The following STPG2 variants were observed in gnomAD, a reference collection of about 807,000 sequenced individuals.
STPG2 encodes the protein sperm-tail PG-rich repeat-containing protein 2.
Under a neutral mutation model 54.2 loss-of-function variants are expected in STPG2, and 56 were observed. That is an observed-to-expected ratio of 1.03 (90% CI 0.83 to 1.29). STPG2 has a LOEUF of 1.29. Among genes scored for constraint, STPG2 ranks in the 50% most tolerant of loss-of-function variants. STPG2 has a pLI of 0.00. For missense variants in STPG2, 596 were observed against 544.9 expected (o/e 1.09, Z -0.93); for synonymous variants, 200 against 181.8 (o/e 1.10, Z -0.81).
At chr4:98,108,602 T>G (rs1578173525) in intron 4 of STPG2, among the ~76,000 whole-genome samples, 1 of 152,246 alleles carries the variant, frequency 6.6e-6, no homozygotes, top group East Asian at 1.9e-4. Flanking sequence ...TTACATTTTC[T>G]CTGATCTTTT....
At chr4:98,039,241 C>A (rs10022331) in intron 5 of STPG2, among the ~76,000 whole-genome samples, 59,487 of 151,132 alleles carry the variant, frequency 0.39, 11,922 homozygotes, top group Middle Eastern at 0.46. Flanking sequence ...TATAAATGAA[C>A]TGTACTAGTC....
intron 10 of STPG2, among the ~76,000 whole-genome samples, chr4:97,657,485 G>A (rs944476386): frequency 6.6e-6 from 1 of 152,102 alleles, no homozygotes; most frequent in Middle Eastern, 3.2e-3. Context: ...CTAGCTTGAT[G>A]TATAACTTTA....
chr4:97,630,372 A>G (rs894272732), intron 10 of STPG2, among the ~76,000 whole-genome samples: 1 of 151,918 alleles, frequency 6.6e-6, no homozygotes, highest in East Asian at 1.9e-4. Flanking sequence ...CTTCCATTAT[A>G]TTAAAAAGCA....
chr4:98,080,260 A>T (rs1401562830), intron 5 of STPG2, among the ~76,000 whole-genome samples: 1 of 152,020 alleles, frequency 6.6e-6, no homozygotes, highest in African/African-American at 2.4e-5. Flanking sequence ...ATTTTACTTT[A>T]TTTACCTTTT....
At chr4:97,562,203 A>C (rs920812821) in intron 10 of STPG2, among the ~76,000 whole-genome samples, 2 of 152,132 alleles carry the variant, frequency 1.3e-5, no homozygotes, top group African/African-American at 4.8e-5. Flanking sequence ...CTTTGAAGCA[A>C]TTGTGAATGG....
At chr4:97,552,305 A>AT (rs1011913027) in intron 4 of STPG2, among the ~76,000 whole-genome samples, 8 of 152,094 alleles carry the variant, frequency 5.3e-5, no homozygotes, top group Non-Finnish European at 8.8e-5. Flanking sequence ...TAAATATATG[A>AT]AAAACATAAT....
At chr4:97,906,447 G>C (rs564934378) in intron 8 of STPG2, among the ~76,000 whole-genome samples, 245 of 152,250 alleles carry the variant, frequency 1.6e-3, no homozygotes, top group African/African-American at 5.7e-3. Flanking sequence ...ACAAGGAGGA[G>C]CTGGTACCAT....
At chr4:97,718,341 T>C (rs1446378811) in intron 9 of STPG2, among the ~76,000 whole-genome samples, 1 of 152,100 alleles carries the variant, frequency 6.6e-6, no homozygotes, top group Non-Finnish European at 1.5e-5. Context: ...TTCCATTTTC[T>C]CAACTTGTTA....
chr4:97,472,964 A>G (rs1389010075), intron 4 of STPG2, among the ~76,000 whole-genome samples: 3 of 152,214 alleles, frequency 2.0e-5, no homozygotes, highest in Non-Finnish European at 2.9e-5. Context: ...CTTTACTGCA[A>G]TCTCTAAACA....
chr4:97,602,928 A>G (rs1341904590), intron 10 of STPG2, among the ~76,000 whole-genome samples: 1 of 151,742 alleles, frequency 6.6e-6, no homozygotes. Context: ...GACATAACCA[A>G]TGTAGTTCTG....
In STPG2 at chr4:97,574,162, T is replaced by G. The variant is rs1166912519; in HGVS notation, c.1321-15045A>C. On this transcript the variant is annotated intron_variant, in intron 10 of 10. Coordinates refer to ENST00000295268, the MANE Select transcript of STPG2 (RefSeq NM_174952.3). ...TGACTGCAGTTGAGGAACATAATTA[T>G]TAATCTCTAAGAAATAATAATTATG... Among the ~76,000 whole-genome samples, 4 of 152,092 alleles carry G rather than the reference T, an allele frequency of 2.6e-5. No individual in the cohort carries two copies. The East Asian group carries it at 5.8e-4, about 22-fold the overall frequency.
At chr4:97,892,278 A>T (rs1446428646) in intron 8 of STPG2, among the ~76,000 whole-genome samples, 1 of 152,148 alleles carries the variant, frequency 6.6e-6, no homozygotes, top group Non-Finnish European at 1.5e-5. Flanking sequence ...CCAGATAAGT[A>T]AGGTCAGGAG....
At chr4:97,529,493 T>A in intron 4 of STPG2, among the ~76,000 whole-genome samples, 1 of 152,170 alleles carries the variant, frequency 6.6e-6, no homozygotes, top group East Asian at 1.9e-4. Context: ...GATGCTGGCA[T>A]CATAAAGTGA....
At chr4:98,002,937 T>C (rs1266181764) in intron 5 of STPG2, among the ~76,000 whole-genome samples, 2 of 152,116 alleles carry the variant, frequency 1.3e-5, no homozygotes, top group African/African-American at 4.8e-5. Flanking sequence ...ATAAGTTTTA[T>C]TTCAATGAGA....
chr4:97,910,195 C>T (rs1360298094), intron 8 of STPG2, among the ~76,000 whole-genome samples: 2 of 152,146 alleles, frequency 1.3e-5, no homozygotes, highest in African/African-American at 2.4e-5. Flanking sequence ...CACTCACCAC[C>T]GGGTGCTGCA....
intron 5 of STPG2, among the ~76,000 whole-genome samples, chr4:98,012,504 G>A (rs1434539803): frequency 6.6e-6 from 1 of 152,220 alleles, no homozygotes; most frequent in Non-Finnish European, 1.5e-5. Flanking sequence ...ATGGTAGCTT[G>A]ATGGGGATAG....
intron 8 of STPG2, chr4:97,917,501 T>A (rs992334675): frequency 3.3e-5 from 5 of 152,150 alleles, no homozygotes; most frequent in African/African-American, 1.2e-4. Context: ...ATAAATGACT[T>A]TCATATTTTT....
chr4:97,881,812 C>T (rs1730385370), intron 8 of STPG2, among the ~76,000 whole-genome samples: 1 of 152,124 alleles, frequency 6.6e-6, no homozygotes, highest in Admixed American at 6.6e-5. Context: ...AATAGTACTC[C>T]ATCACAATCT....
intron 9 of STPG2, among the ~76,000 whole-genome samples, chr4:97,719,033 T>C (rs1046440729): frequency 6.6e-6 from 1 of 152,002 alleles, no homozygotes; most frequent in Admixed American, 6.6e-5. Context: ...AGATTAGGGA[T>C]GTTGAACTGT....
Sources: gnomAD v4.1 joint callset for allele counts (sites outside exome capture counted in the v4.1 genomes callset) on GRCh38, gnomAD v4.1.1 for gene constraint, MANE v1.5 for transcripts, NCBI Gene and HGNC (gene_info 2026-07-23, HGNC 2026-07-21) for gene names.